The following SERINC5 variants were observed in gnomAD, a reference collection of about 807,000 sequenced individuals.
SERINC5 encodes the protein chromosome 5 open reading frame 12.
In SERINC5, 41 loss-of-function variants were observed where a neutral mutation model predicts 63.1. The observed-to-expected ratio is 0.65, with a 90% CI of 0.51 to 0.84. The LOEUF (loss-of-function observed/expected upper bound fraction) is 0.84. SERINC5 is among the 40% of genes least tolerant of loss of function. The pLI is 0.00. For synonymous variants in SERINC5, 222 were observed against 215.2 expected (o/e 1.03, Z -0.28); for missense variants, 523 against 573.0 (o/e 0.91, Z 0.89).
intron 1 of SERINC5, among the ~76,000 whole-genome samples, chr5:80,240,418 C>G (rs1265074772): frequency 2.0e-5 from 3 of 152,156 alleles, no homozygotes; most frequent in African/African-American, 7.2e-5. Context: ...AAAACTATAT[C>G]ATTTTTATTC....
At chr5:80,152,196 A>T (rs2112324197) in intron 8 of SERINC5, among the ~76,000 whole-genome samples, 1 of 152,240 alleles carries the variant, frequency 6.6e-6, no homozygotes, top group East Asian at 1.9e-4. Flanking sequence ...CACAACACCT[A>T]ATCCGACATT....
At chr5:80,211,111 C>T (rs1004284393) in intron 1 of SERINC5, among the ~76,000 whole-genome samples, 2 of 152,162 alleles carry the variant, frequency 1.3e-5, no homozygotes, top group Non-Finnish European at 2.9e-5. Flanking sequence ...AACAGGCAAG[C>T]ATGATGAGTT....
At chr5:80,126,389 G>A in intron 11 of SERINC5, among the ~76,000 whole-genome samples, 1 of 152,180 alleles carries the variant, frequency 6.6e-6, no homozygotes, top group Non-Finnish European at 1.5e-5. Flanking sequence ...GGTGGTATAA[G>A]TCAGAATTTC....
chr5:80,156,864 T>C (rs1746552039), intron 8 of SERINC5: 1 of 152,130 alleles, frequency 6.6e-6, no homozygotes, highest in Non-Finnish European at 1.5e-5. Context: ...AGGGTGAAAA[T>C]TCCATGTTGT....
intron 1 of SERINC5, among the ~76,000 whole-genome samples, chr5:80,237,960 T>C (rs1477283246): frequency 3.3e-5 from 5 of 151,422 alleles, no homozygotes; most frequent in Admixed American, 6.6e-5. Flanking sequence ...AAAAATTAGC[T>C]GGGCGTGGTG....
chr5:80,114,769 A>G (rs1455222036), intron 11 of SERINC5: 1 of 151,800 alleles, frequency 6.6e-6, no homozygotes, highest in Non-Finnish European at 1.5e-5. Context: ...CTCCCACAAC[A>G]TGGGGGGATT....
intron 9 of SERINC5, among the ~76,000 whole-genome samples, chr5:80,148,834 C>A (rs1050185061): frequency 6.6e-6 from 1 of 152,190 alleles, no homozygotes; most frequent in Non-Finnish European, 1.5e-5. Flanking sequence ...CTTGAGCCTT[C>A]ATCTCATTTG....
At chr5:80,208,099 CT>C (rs1278105117) in intron 1 of SERINC5, among the ~76,000 whole-genome samples, 1 of 152,148 alleles carries the variant, frequency 6.6e-6, no homozygotes, top group African/African-American at 2.4e-5. Context: ...TTCGTTACCC[CT>C]GGCTCCAAGA....
At chr5:80,148,560 T>C (rs1411409689) in intron 9 of SERINC5, among the ~76,000 whole-genome samples, 1 of 151,884 alleles carries the variant, frequency 6.6e-6, no homozygotes, top group Non-Finnish European at 1.5e-5. Context: ...CCCAGCTATT[T>C]GGGAGACTGA....
At chr5:80,211,887 C>G (rs889868135) in intron 1 of SERINC5, among the ~76,000 whole-genome samples, 3 of 152,168 alleles carry the variant, frequency 2.0e-5, no homozygotes, top group South Asian at 2.1e-4. Flanking sequence ...CAAATAAGTG[C>G]TTAGAACAGT....
At chr5:80,137,639 ACTC>A (rs1561356499), downstream of SERINC5, among the ~76,000 whole-genome samples, 5 of 129,760 alleles carry the variant, frequency 3.9e-5, no homozygotes, top group Admixed American at 7.5e-5. Context: ...CAAGACTCTA[ACTC>A]AAAAAAAAAA....
chr5:80,124,915 C>T (rs900945131), intron 11 of SERINC5, among the ~76,000 whole-genome samples: 1 of 152,100 alleles, frequency 6.6e-6, no homozygotes, highest in Non-Finnish European at 1.5e-5. Context: ...GAAGCCCATC[C>T]CTGTCACTGT....
chr5:80,246,500 G>A (rs762861211), intron 1 of SERINC5, among the ~76,000 whole-genome samples: 118 of 152,242 alleles, frequency 7.8e-4, no homozygotes, highest in Non-Finnish European at 9.4e-4. Context: ...ATGAGAGAGT[G>A]AAAATGCTGT....
intron 11 of SERINC5, among the ~76,000 whole-genome samples, chr5:80,117,530 C>T (rs148486417): frequency 3.8e-4 from 57 of 150,836 alleles, no homozygotes; most frequent in African/African-American, 1.3e-3. Context: ...TGACATTCAG[C>T]TTTTCTTACC....
intron 11 of SERINC5, among the ~76,000 whole-genome samples, chr5:80,131,263 G>C (rs1744937733): frequency 6.6e-6 from 1 of 152,102 alleles, no homozygotes. Flanking sequence ...TTTTATAAAT[G>C]GTAGACCCTA....
chr5:80,250,336 ACAT>A (rs901150323), intron 1 of SERINC5, among the ~76,000 whole-genome samples: 31 of 152,186 alleles, frequency 2.0e-4, no homozygotes, highest in African/African-American at 7.0e-4. Context: ...TTTGGGGGAA[ACAT>A]CATCATTATT....
At chr5:80,114,174 C>CTGCTATA (rs1159066496) in intron 11 of SERINC5, among the ~76,000 whole-genome samples, 1 of 152,044 alleles carries the variant, frequency 6.6e-6, no homozygotes, top group Non-Finnish European at 1.5e-5. Flanking sequence ...TGTTTTCATA[C>CTGCTATA]TGCTATAAAG....
rs188292797 is a variant in SERINC5 at position 80,212,429 on chromosome 5, T to C, written c.28-9376A>G. Among the ~76,000 whole-genome samples the C allele has an allele frequency of 1.1e-4, 16 of 152,332 alleles. No homozygotes were observed. The East Asian group carries it at 3.1e-3, about 29-fold the overall frequency. On this transcript the variant is annotated intron_variant, in intron 1 of 11. Transcript: ENST00000507668. ...TTTCAGTAATACATAATACTGCCCA[T>C]GCCGTGTGAGGGCCTCCTTCCCTTC... is the stretch of plus-strand genomic sequence containing the variant.
chr5:80,172,603 A>G lies in SERINC5; in HGVS notation c.551+2351T>C, dbSNP rs141968545. Among the ~76,000 whole-genome samples, 1,351 of 149,564 alleles carry G rather than the reference A, an allele frequency of 9.0e-3. 19 individuals are homozygous for G. Among genetic ancestry groups the G allele is most frequent in the African/African-American group, 0.033 (1,274 of 38,952 alleles). On this transcript the variant is annotated intron_variant, in intron 5 of 11. Coordinates refer to ENST00000507668, the MANE Select transcript of SERINC5 (RefSeq NM_001174072.3). ...GGGAGGAAAGGCCAAAATGATAATG[A>G]CCGTCATATTCCTGAAACTGTGCCA...
Sources: allele counts gnomAD v4.1 joint callset (sites outside exome capture counted in the v4.1 genomes callset), GRCh38; gene constraint gnomAD v4.1.1; transcripts MANE v1.5; gene names NCBI Gene and HGNC (gene_info 2026-07-23, HGNC 2026-07-21).